POLRMT: variants seen among roughly 807,000 people sequenced by gnomAD.
The protein encoded by POLRMT is RNA polymerase mitochondrial.
Under a neutral mutation model 132.2 loss-of-function variants are expected in POLRMT, and 114 were observed. That is an observed-to-expected ratio of 0.86 (90% CI 0.74 to 1.01). The LOEUF is 1.01. Ranked by LOEUF, POLRMT falls within the 50% of genes least tolerant of loss-of-function variation. The probability of loss-of-function intolerance (pLI) is 0.00; values close to 1 mark genes in which losing one functional copy is unlikely to be tolerated. For missense variants in POLRMT, 2,003 were observed against 1,729.1 expected, an observed-to-expected ratio of 1.16 and a Z score of -2.81; for synonymous variants, 1,020 against 773.4, an observed-to-expected ratio of 1.32 and a Z score of -5.29.
chr19:618,913 G>C lies in POLRMT; in HGVS notation c.3267+84C>G, dbSNP rs1483883591. Reference sequence around the variant, plus strand: ...ACTGGGGCGGTGGTACACTGGGGTGGTGGTACGCTGGGGCACTGGTACACT... The same window carrying C: ...ACTGGGGCGGTGGTACACTGGGGTGCTGGTACGCTGGGGCACTGGTACACT... On this transcript the variant is annotated intron_variant, in intron 15 of 20. Transcript: ENST00000588649. The C allele has an allele frequency of 4.4e-6, 6 of 1,353,670 alleles. No individual in the cohort carries two copies. The African/African-American group carries it at 8.7e-5, about 20-fold the overall frequency. The allele number at this position is 1,353,670 out of a possible 1,614,324, so 83.9% of individuals were successfully genotyped here. A position where few individuals can be genotyped will look rare whatever the true frequency, so the allele number is the denominator to read the frequency against.
In POLRMT at chr19:632,957, C is replaced by A. The variant is rs917809564; in HGVS notation, c.89-19G>T. On this transcript the variant is annotated intron_variant, in intron 1 of 20. Coordinates refer to ENST00000588649, the MANE Select transcript of POLRMT (RefSeq NM_005035.4). ...GCGGTCCCTGCGGGAAAGACGAGAG[C>A]GGCTGAGCGGGGCCGGGCGTGTGGG... The A allele has an allele frequency of 2.0e-6, 3 of 1,479,236 alleles. No homozygotes were observed. Among genetic ancestry groups the A allele is most frequent in the South Asian group, 1.3e-5 (1 of 78,470 alleles). 91.6% of individuals were successfully genotyped at this position (1,479,236 alleles called of 1,614,324 possible).
Position 621,270 on chromosome 19 carries a change from G to A in POLRMT, c.2428C>T (p.Pro810Ser), listed in dbSNP as rs201364510. The A allele has an allele frequency of 7.0e-4, 1,125 of 1,607,446 alleles. 6 individuals are homozygous for A. Among genetic ancestry groups the A allele is most frequent in the Non-Finnish European group, 4.4e-4 (521 of 1,177,954 alleles). ...CTGCCCAGGTGGTTGAAGTGCGGCGGGCAGGGGTAGGTGCGGCCGCGGAAG... is the reference window on the plus strand; with the variant it reads ...CTGCCCAGGTGGTTGAAGTGCGGCGAGCAGGGGTAGGTGCGGCCGCGGAAG... ...MDFRGRTYPCPPHFNHLGSDV... is the reference protein window; with the variant it reads ...MDFRGRTYPCSPHFNHLGSDV... Residue 810 changes from proline (P) to serine (S), a missense_variant, in exon 10 of 21, where the codon CCG becomes TCG. Pro to Ser is a moderately conservative substitution (Grantham distance 74). Transcript: ENST00000588649.
In POLRMT at chr19:625,272, G is replaced by A; in HGVS notation, c.823-18C>T. 6.2e-7 allele frequency: 1 copy of A among 1,613,368 alleles called. No homozygotes were observed. The highest frequency in any genetic ancestry group is 1.7e-4 in the Middle Eastern group (1 of 6,050). On this transcript the variant is annotated intron_variant, in intron 3 of 20. Coordinates refer to ENST00000588649, the MANE Select transcript of POLRMT (RefSeq NM_005035.4). ...AAGGCACCCTGGGAGACCAAGCCAG[G>A]GTGAGGGTCTGGGGGGATGGCCCAA...
intron 10 of POLRMT, among the ~76,000 whole-genome samples, 181 bp from the exon 11 acceptor site, chr19:620,668 A>G (rs945190374): frequency 1.4e-5 from 2 of 146,114 alleles, no homozygotes; most frequent in Non-Finnish European, 3.0e-5. Flanking sequence ...CCACGGATGG[A>G]GGATGGGAGC....
Position 620,850 on chromosome 19 carries a change from G to A in POLRMT, c.2640+208C>T, listed in dbSNP as rs544306059. On this transcript the variant is annotated intron_variant, in intron 10 of 20. Coordinates refer to ENST00000588649, the MANE Select transcript of POLRMT (RefSeq NM_005035.4). ...GAGAAGGGAGAAGCAGGACGGGCAGGGGGCGCGGGGGAGGAGAGCGGGCGG... is the reference window on the plus strand; with the variant it reads ...GAGAAGGGAGAAGCAGGACGGGCAGAGGGCGCGGGGGAGGAGAGCGGGCGG... Among the ~76,000 whole-genome samples the A allele has an allele frequency of 6.2e-3, 675 of 109,204 alleles. 15 individuals carry two copies. The highest frequency in any genetic ancestry group is 0.024 in the African/African-American group (634 of 26,974). 71.6% of individuals were successfully genotyped at this position (109,204 alleles called of 152,430 possible).
intron 2 of POLRMT, among the ~76,000 whole-genome samples, chr19:631,116 G>A (rs1302539674): frequency 5.3e-5 from 8 of 151,312 alleles, no homozygotes; most frequent in Non-Finnish European, 1.0e-4. Context: ...TCAAGATAGC[G>A]CCATTGAACT....
rs1454432424 is a variant in POLRMT at position 623,581 on chromosome 19, T to C, written c.1163A>G (p.Lys388Arg). Residue 388 changes from lysine to arginine, a missense_variant, in exon 6 of 21, where the codon AAG becomes AGG. Transcript: ENST00000588649. ...CAGGGTCTTCAAGGGCAGGTGCAGCTTCGGGTAGGACACACGCCCATCCTG... is the reference window on the plus strand; with the variant it reads ...CAGGGTCTTCAAGGGCAGGTGCAGCCTCGGGTAGGACACACGCCCATCCTG... ...YAKDGRVSYPKLHLPLKTLQC... is the reference protein window; with the variant it reads ...YAKDGRVSYPRLHLPLKTLQC... The C allele has an allele frequency of 3.7e-6, 6 of 1,613,508 alleles. No individual in the cohort carries two copies. The highest frequency in any genetic ancestry group is 1.7e-5 in the Admixed American group (1 of 60,006).
At chr19:618,169 C>T (rs537216480) in intron 17 of POLRMT, 430 of 551,312 alleles carry the variant, frequency 7.8e-4, no homozygotes, top group Admixed American at 1.4e-3. Flanking sequence ...ATTCCCAGCT[C>T]CCGTGGCCGG....
In POLRMT at chr19:626,350, C is replaced by T. The variant is rs1286508520; in HGVS notation, c.823-1096G>A. ...TGTATTTTTAGTAGAGATGGGGTTT[C>T]GCCCTGTTGGCCAGGCTGGTCTCCA... is the stretch of plus-strand genomic sequence containing the variant. On this transcript the variant is annotated intron_variant, in intron 3 of 20. Transcript: ENST00000588649. Among the ~76,000 whole-genome samples the T allele has an allele frequency of 2.0e-5, 3 of 151,254 alleles. No homozygotes were observed. In the East Asian group the frequency reaches 6.0e-4, roughly 30 times the overall value.
In POLRMT at chr19:617,338, G is replaced by C. The variant is rs779254988; in HGVS notation, c.3644-15C>G. The C allele has an allele frequency of 1.9e-6, 3 of 1,612,808 alleles. No homozygotes were observed. Among genetic ancestry groups the C allele is most frequent in the Admixed American group, 1.7e-5 (1 of 60,032 alleles). ...GTCGAAGGCCCCTGCGGAGGAAGCA[G>C]AGCGGACGGCGTGGGTGGCGGGAAA... On this transcript the variant is annotated splice_polypyrimidine_tract_variant and intron_variant, in intron 20 of 20. Transcript: ENST00000588649.
rs762967035 is a variant in POLRMT, at chr19:619,116, G to A, written c.3154-6C>T. The A allele has an allele frequency of 1.3e-5, 21 of 1,611,490 alleles. No individual in the cohort carries two copies. In the Middle Eastern group the frequency reaches 9.9e-4, roughly 76 times the overall value. On this transcript the variant is annotated splice_region_variant and splice_polypyrimidine_tract_variant and intron_variant, in intron 14 of 20. Coordinates refer to ENST00000588649, the MANE Select transcript of POLRMT (RefSeq NM_005035.4). Reference sequence around the variant, plus strand: ...GCACTCTCGGTCAGCCAGTGCTGTGGGACACAGGCCGTCTCAGGGCAGGGG... The same window carrying A: ...GCACTCTCGGTCAGCCAGTGCTGTGAGACACAGGCCGTCTCAGGGCAGGGG...
chr19:625,206 C>T lies in POLRMT; in HGVS notation c.871G>A (p.Gly291Ser), dbSNP rs1175058423. Reference sequence around the variant, plus strand: ...TAGGACAGCAGGTCCGGAGTCAAGCCGGCATCCTTCACCATGAATAACACA... The same window carrying T: ...TAGGACAGCAGGTCCGGAGTCAAGCTGGCATCCTTCACCATGAATAACACA... ...VYVLFMVKDAGLTPDLLSYAA... is the reference protein window; with the variant it reads ...VYVLFMVKDASLTPDLLSYAA... Residue 291 changes from glycine to serine, a missense_variant, in exon 4 of 21, where the codon GGC becomes AGC. Physicochemically the swap from Gly to Ser is moderately conservative, Grantham distance 56. Transcript: ENST00000588649. 13 of 1,613,950 alleles carry T rather than the reference C, an allele frequency of 8.1e-6. No homozygotes were observed. Among genetic ancestry groups the T allele is most frequent in the East Asian group, 2.2e-5 (1 of 44,892 alleles).
In POLRMT at chr19:617,499, T is replaced by TG. The variant is rs1333501494; in HGVS notation, c.3582-20dup. 2.1e-6 allele frequency: 3 copies of TG among 1,402,884 alleles called. No individual in the cohort carries two copies. In the African/African-American group the frequency reaches 4.7e-5, roughly 22 times the overall value. The allele number at this position is 1,402,884 out of a possible 1,614,324, so 86.9% of individuals were successfully genotyped here. A position where few individuals can be genotyped will look rare whatever the true frequency, so the allele number is the denominator to read the frequency against. ...CTGGGGCCTGGGGTTGGAAGCAGGGTGGGGTGAGGCTGAGGCCAGGTTTTG... is the reference window on the plus strand; with the variant it reads ...CTGGGGCCTGGGGTTGGAAGCAGGGTGGGGGTGAGGCTGAGGCCAGGTTTTG... On this transcript the variant is annotated intron_variant, in intron 19 of 20. Transcript: ENST00000588649.
chr19:631,892 A>G (rs1439113222), intron 2 of POLRMT, among the ~76,000 whole-genome samples: 1 of 152,078 alleles, frequency 6.6e-6, no homozygotes, highest in African/African-American at 2.4e-5. Context: ...TTCCTGCCTC[A>G]GCCTCCTGAG....
chr19:625,280 T>A (rs748675851), intron 3 of POLRMT, 26 bp from the exon 4 acceptor site: 2 of 1,612,434 alleles, frequency 1.2e-6, no homozygotes, highest in Non-Finnish European at 1.7e-6. Context: ...AGGGTGAGGG[T>A]CTGGGGGGAT....
chr19:617,699 C>G, intron 18 of POLRMT, 44 bp from the exon 19 acceptor site: 1 of 1,611,810 alleles, frequency 6.2e-7, no homozygotes, highest in East Asian at 2.2e-5. Flanking sequence ...CAGGCAGGCT[C>G]TGGGCACCAC....
rs1312762555 is a variant in POLRMT at position 619,241 on chromosome 19, T to C, written c.3122A>G (p.Gln1041Arg). The change falls in exon 14 of 21, where the codon CAG (glutamine) becomes CGG (arginine). Residue 1041 changes from glutamine (Q) to arginine (R), a missense_variant. Transcript: ENST00000588649. Reference protein sequence around the residue: ...YLVRQVFKSLQEMFSGTRAIQ... With the variant: ...YLVRQVFKSLREMFSGTRAIQ... ...GGCCCGGGTCCCCGAGAACATCTCC[T>C]GTAGACTCTTGAAGACCTGGCGTAC... is the stretch of plus-strand genomic sequence containing the variant. 3.7e-6 allele frequency: 6 copies of C among 1,608,012 alleles called. No homozygotes were observed. The highest frequency in any genetic ancestry group is 5.1e-6 in the Non-Finnish European group (6 of 1,178,600).
At chr19:620,323 T>G (rs761946695) in intron 11 of POLRMT, 42 bp downstream of exon 11, 1 of 1,521,520 alleles carries the variant, frequency 6.6e-7, no homozygotes. Flanking sequence ...CCAGGCCCAG[T>G]GCACACTGCA....
At position 619,248 on chromosome 19, in the gene POLRMT, T is replaced by A; in HGVS notation, c.3115A>T (p.Ser1039Cys). The A allele has an allele frequency of 6.2e-7, 1 of 1,606,358 alleles. No homozygotes were observed. Among genetic ancestry groups the A allele is most frequent in the Non-Finnish European group, 8.5e-7 (1 of 1,178,250 alleles). The change falls in exon 14 of 21, where the codon AGT (serine) becomes TGT (cysteine). Residue 1039 changes from serine (S) to cysteine (C), a missense_variant. Coordinates refer to ENST00000588649, the MANE Select transcript of POLRMT (RefSeq NM_005035.4). ...GTCCCCGAGAACATCTCCTGTAGAC[T>A]CTTGAAGACCTGGCGTACGAGATAG... The part of the protein sequence containing the change: ...SHYLVRQVFK[S>C]LQEMFSGTRA...
Sources: allele counts gnomAD v4.1 joint callset (sites outside exome capture counted in the v4.1 genomes callset), GRCh38; gene constraint gnomAD v4.1.1; transcripts MANE v1.5; gene names NCBI Gene and HGNC (gene_info 2026-07-23, HGNC 2026-07-21).